CAPZA1: variants seen among roughly 807,000 people sequenced by gnomAD.
The protein encoded by CAPZA1 is capping actin protein of muscle Z-line subunit alpha 1.
Under a neutral mutation model 40.8 loss-of-function variants are expected in CAPZA1, and 10 were observed. The observed-to-expected ratio is 0.25, with a 90% CI of 0.15 to 0.42. The LOEUF (loss-of-function observed/expected upper bound fraction) is 0.42. Ranked by LOEUF, CAPZA1 falls within the 10% of genes least tolerant of loss-of-function variation. The pLI, the probability that CAPZA1 is intolerant of heterozygous loss-of-function variation, is 1.00. For missense variants in CAPZA1, 277 were observed against 353.8 expected (o/e 0.78, Z 1.74); for synonymous variants, 98 against 115.0 (o/e 0.85, Z 0.95).
intron 3 of CAPZA1, among the ~76,000 whole-genome samples, chr1:112,653,012 G>T (rs1011194235): frequency 7.2e-5 from 11 of 152,146 alleles, no homozygotes; most frequent in African/African-American, 2.4e-4. Context: ...TCGCATGTCA[G>T]ATGCCTTCTG....
intron 5 of CAPZA1, 21 bp from the exon 6 acceptor site, chr1:112,659,001 A>G: frequency 6.5e-7 from 1 of 1,529,344 alleles, no homozygotes; most frequent in Non-Finnish European, 9.0e-7. Context: ...GTCTTTAACT[A>G]TTTTTTTTTC....
chr1:112,621,465 C>G (rs1670661371), intron 1 of CAPZA1, among the ~76,000 whole-genome samples: 1 of 151,962 alleles, frequency 6.6e-6, no homozygotes, highest in Admixed American at 6.6e-5. Flanking sequence ...TTGCCCAGGC[C>G]GGTCTCAAAC....
At chr1:112,639,898 C>T (rs1405524318) in intron 1 of CAPZA1, among the ~76,000 whole-genome samples, 2 of 133,712 alleles carry the variant, frequency 1.5e-5, no homozygotes, top group African/African-American at 2.6e-5. Flanking sequence ...CCAGCCGCCC[C>T]GTCCGGGAGG....
chr1:112,667,192 C>G, intron 8 of CAPZA1, 47 bp downstream of exon 8: 1 of 1,372,690 alleles, frequency 7.3e-7, no homozygotes, highest in East Asian at 2.3e-5. Context: ...TCTCGTTTTT[C>G]TTTAAAAAAT....
At position 112,628,642 on chromosome 1, in the gene CAPZA1, A is replaced by G. The variant is rs370970839; in HGVS notation, c.39+8759A>G. Among the ~76,000 whole-genome samples the G allele has an allele frequency of 9.8e-5, 15 of 152,288 alleles. No individual in the cohort carries two copies. In the East Asian group the frequency reaches 2.1e-3, roughly 22 times the overall value. ...ACGTCTTTGTATAACAGCATTGGACATTTTTCCTCTAGATAGGTTCATTTG... is the reference window on the plus strand; with the variant it reads ...ACGTCTTTGTATAACAGCATTGGACGTTTTTCCTCTAGATAGGTTCATTTG... On this transcript the variant is annotated intron_variant, in intron 1 of 9. Coordinates refer to ENST00000263168, the MANE Select transcript of CAPZA1 (RefSeq NM_006135.3).
At chr1:112,641,291 A>G (rs1459990239) in intron 1 of CAPZA1, among the ~76,000 whole-genome samples, 2 of 152,112 alleles carry the variant, frequency 1.3e-5, no homozygotes, top group Non-Finnish European at 2.9e-5. Context: ...GTAACATTAT[A>G]TTTCTTATAA....
At position 112,656,440 on chromosome 1, in the gene CAPZA1, A is replaced by ATTTTTTT. The variant is rs56343358; in HGVS notation, c.426+1789_426+1795dup. On this transcript the variant is annotated intron_variant, in intron 5 of 9. Transcript: ENST00000263168. The stretch of plus-strand genomic sequence containing the variant: ...GTTAGGCTAGGTGTCATTATGTTTG[A>ATTTTTTT]TTTTTTTTTTTTTTTTTTTTTTTTT... Among the ~76,000 whole-genome samples, 388 of 45,768 alleles carry ATTTTTTT rather than the reference A, an allele frequency of 8.5e-3. 95 individuals are homozygous for ATTTTTTT. Among genetic ancestry groups the ATTTTTTT allele is most frequent in the African/African-American group, 0.013 (154 of 11,480 alleles). The allele number at this position is 45,768 out of a possible 152,430, so 30.0% of individuals were successfully genotyped here.
chr1:112,640,553 TGAG>T (rs1671131720), intron 1 of CAPZA1, among the ~76,000 whole-genome samples: 1 of 112,840 alleles, frequency 8.9e-6, no homozygotes, highest in Non-Finnish European at 1.8e-5. Context: ...TCCTGGGAAG[TGAG>T]GAGCCCCCTG....
At chr1:112,658,719 C>G (rs750017140) in intron 5 of CAPZA1, among the ~76,000 whole-genome samples, 20 of 152,156 alleles carry the variant, frequency 1.3e-4, no homozygotes, top group Non-Finnish European at 2.8e-4. Flanking sequence ...CCTGTCTTGC[C>G]TTTATTTTCA....
chr1:112,656,483 A>G (rs943218815), intron 5 of CAPZA1, among the ~76,000 whole-genome samples: 1 of 107,344 alleles, frequency 9.3e-6, no homozygotes, highest in African/African-American at 3.8e-5. Context: ...AATACCCATT[A>G]TGGTGGACTG....
At chr1:112,638,932 A>ATATAGATATAGATATAGATATAGG (rs766229774) in intron 1 of CAPZA1, among the ~76,000 whole-genome samples, 10 of 117,268 alleles carry the variant, frequency 8.5e-5, no homozygotes, top group East Asian at 5.7e-4. Flanking sequence ...ATAGATATAG[A>ATATAGATATAGATATAGATATAGG]TATAGGTATA....
intron 1 of CAPZA1, among the ~76,000 whole-genome samples, chr1:112,643,144 G>A (rs1570712033): frequency 6.6e-6 from 1 of 152,116 alleles, no homozygotes; most frequent in African/African-American, 2.4e-5. Flanking sequence ...TTTTAAATAA[G>A]AGATTGATAC....
intron 3 of CAPZA1, 91 bp downstream of exon 3, chr1:112,649,560 A>T: frequency 9.6e-7 from 1 of 1,040,172 alleles, no homozygotes. Context: ...ACAAAGTTTA[A>T]AATACTTCAA....
In CAPZA1 at chr1:112,654,572, G is replaced by A. The variant is rs1341139336; in HGVS notation, c.327G>A (p.Gln109=). The A allele has an allele frequency of 6.2e-7, 1 of 1,613,802 alleles. No individual in the cohort carries two copies. Among genetic ancestry groups the A allele is most frequent in the African/African-American group, 1.3e-5 (1 of 74,892 alleles). Residue 109 remains glutamine, a synonymous_variant, in exon 5 of 10, where the codon CAG becomes CAA. Transcript: ENST00000263168. ...TACGGAAAGAAGCAAGTGACCCCCA[G>A]CCAGAAGAAGCAGATGGAGGTCTGA... is the stretch of plus-strand genomic sequence containing the variant. ...DHLRKEASDP[Q]PEEADGGLKS...
intron 1 of CAPZA1, among the ~76,000 whole-genome samples, chr1:112,626,960 G>C (rs1466023036): frequency 6.6e-6 from 1 of 152,214 alleles, no homozygotes; most frequent in Admixed American, 6.5e-5. Context: ...TTGCTTTGTG[G>C]ATTCTTTGTT....
chr1:112,621,584 T>C (rs1670665647), intron 1 of CAPZA1, among the ~76,000 whole-genome samples: 1 of 152,050 alleles, frequency 6.6e-6, no homozygotes, highest in Non-Finnish European at 1.5e-5. Context: ...TAATAAACTT[T>C]TAAGTTTATT....
chr1:112,663,580 C>T (rs1407924088), intron 7 of CAPZA1, among the ~76,000 whole-genome samples: 1 of 151,944 alleles, frequency 6.6e-6, no homozygotes, highest in Non-Finnish European at 1.5e-5. Context: ...CAGTTCACTG[C>T]AGCCTCTGCC....
At chr1:112,660,387 T>C (rs1319765957) in intron 7 of CAPZA1, among the ~76,000 whole-genome samples, 1 of 152,136 alleles carries the variant, frequency 6.6e-6, no homozygotes, top group Non-Finnish European at 1.5e-5. Context: ...TTCAGGTGAT[T>C]CTCCTGCCTC....
intron 7 of CAPZA1, among the ~76,000 whole-genome samples, chr1:112,666,085 G>A (rs932862771): frequency 4.6e-5 from 7 of 152,120 alleles, no homozygotes; most frequent in South Asian, 2.1e-4. Context: ...TGATCCTCCC[G>A]TCTTAGCCTC....
Sources: allele counts gnomAD v4.1 joint callset (sites outside exome capture counted in the v4.1 genomes callset), GRCh38; gene constraint gnomAD v4.1.1; transcripts MANE v1.5; gene names NCBI Gene and HGNC (gene_info 2026-07-23, HGNC 2026-07-21).